Variants in GLS observed in about 807,000 individuals in gnomAD.
GLS encodes the protein glutaminase kidney isoform, mitochondrial.
In GLS, 36 loss-of-function variants were observed where a neutral mutation model predicts 86.7. The observed-to-expected ratio is 0.42, with a 90% confidence interval of 0.32 to 0.55. The LOEUF is 0.55. Ranked by LOEUF, GLS falls within the 20% of genes least tolerant of loss-of-function variation. The probability of loss-of-function intolerance (pLI) is 0.17; values close to 1 mark genes in which losing one functional copy is unlikely to be tolerated. For missense variants in GLS, 528 were observed against 833.4 expected, an observed-to-expected ratio of 0.63 and a Z score of 4.51; for synonymous variants, 317 against 305.9, an observed-to-expected ratio of 1.04 and a Z score of -0.38.
intron 9 of GLS, 119 bp from the exon 10 acceptor site, chr2:190,923,798 G>C: frequency 1.4e-6 from 1 of 689,722 alleles, no homozygotes; most frequent in Non-Finnish European, 2.6e-6. Flanking sequence ...TTGGAACTCT[G>C]TAGTCCTGAA....
Position 190,947,769 on chromosome 2 carries a change from A to G in GLS, c.1651-5796A>G, listed in dbSNP as rs1400979194. 6.6e-6 allele frequency among the ~76,000 whole-genome samples: 1 copy of G among 152,156 alleles called. No individual in the cohort carries two copies. The highest frequency in any genetic ancestry group is 2.4e-5 in the African/African-American group (1 of 41,430). ...GGAAATAGGGGAATGAGCTTTGATC[A>G]ATGGTTAGCACACCTACATCCTTTG... On this transcript the variant is annotated intron_variant, in intron 14 of 17. Coordinates refer to ENST00000320717, the MANE Select transcript of GLS (RefSeq NM_014905.5). This position sits in a 1 kb window ranked among gnomAD's most constrained non-coding sequence, Gnocchi z 5.0.
At chr2:190,918,632 G>A (rs886832794) in intron 7 of GLS, among the ~76,000 whole-genome samples, 1 of 152,076 alleles carries the variant, frequency 6.6e-6, no homozygotes, top group Non-Finnish European at 1.5e-5. Context: ...GAAATGCAAA[G>A]GAAACTTCAT....
chr2:190,959,243 C>CTTT (rs56693446), intron 17 of GLS, among the ~76,000 whole-genome samples: 3 of 135,658 alleles, frequency 2.2e-5, no homozygotes, highest in African/African-American at 8.1e-5. Context: ...GCAACCCCTG[C>CTTT]TTTTTTTTTT....
rs894274932 is a variant in GLS at position 190,949,965 on chromosome 2, A to G, written c.1651-3600A>G. 6.7e-6 allele frequency among the ~76,000 whole-genome samples: 1 copy of G among 149,870 alleles called. No homozygotes were observed. The highest frequency in any genetic ancestry group is 1.5e-5 in the Non-Finnish European group (1 of 67,620). ...TTATATATAGTTATATATAACAAAT[A>G]TAGTTAAAAAGGATATAGTTAACAA... On this transcript the variant is annotated intron_variant, in intron 14 of 17. Transcript: ENST00000320717. The surrounding 1 kb of genome is among the most constrained non-coding windows in gnomAD (Gnocchi z 4.0).
intron 1 of GLS, among the ~76,000 whole-genome samples, chr2:190,886,976 T>C (rs1291855343): frequency 6.6e-6 from 1 of 151,952 alleles, no homozygotes. Context: ...TCTTGTGATA[T>C]TTGAAATGAA....
chr2:190,881,551 G>C, intron 1 of GLS, 81 bp downstream of exon 1: 2 of 1,300,568 alleles, frequency 1.5e-6, no homozygotes, highest in Non-Finnish European at 2.1e-6. Flanking sequence ...GCGGTGGGGC[G>C]GGATAGGAGC....
At chr2:190,900,499 G>C (rs909052791) in intron 3 of GLS, 65 bp from the exon 4 acceptor site, 51 of 856,802 alleles carry the variant, frequency 6.0e-5, no homozygotes, top group African/African-American at 1.0e-4. Flanking sequence ...AATTATTACT[G>C]TTATTACCAA....
intron 1 of GLS, chr2:190,882,128 C>G (rs1441982020): frequency 6.6e-6 from 1 of 152,192 alleles, no homozygotes; most frequent in Admixed American, 6.5e-5. Flanking sequence ...AGATGGGGCA[C>G]GCAGTATAGA....
At chr2:190,917,904 A>G (rs1293216328) in intron 7 of GLS, among the ~76,000 whole-genome samples, 1 of 152,070 alleles carries the variant, frequency 6.6e-6, no homozygotes, top group Non-Finnish European at 1.5e-5. Flanking sequence ...TCTGCTCAAT[A>G]TAGTGAGACT....
chr2:190,942,751 T>C (rs893790414), intron 14 of GLS, among the ~76,000 whole-genome samples: 1 of 152,240 alleles, frequency 6.6e-6, no homozygotes, highest in Admixed American at 6.5e-5. Context: ...TGTTTGATTG[T>C]GGATATCAGG....
chr2:190,889,962 T>G (rs1032748948), intron 1 of GLS, among the ~76,000 whole-genome samples: 1 of 152,096 alleles, frequency 6.6e-6, no homozygotes, highest in Non-Finnish European at 1.5e-5. Flanking sequence ...GGTTAGAAAT[T>G]TATTATTGTT....
rs1389956817 is a variant in GLS, at chr2:190,943,067, G to A, written c.1651-10498G>A. Among the ~76,000 whole-genome samples the A allele has an allele frequency of 1.3e-5, 2 of 152,168 alleles. No individual in the cohort carries two copies. Among genetic ancestry groups the A allele is most frequent in the African/African-American group, 4.8e-5 (2 of 41,426 alleles). On this transcript the variant is annotated intron_variant, in intron 14 of 17. Coordinates refer to ENST00000320717, the MANE Select transcript of GLS (RefSeq NM_014905.5). The surrounding 1 kb of genome is among the most constrained non-coding windows in gnomAD (Gnocchi z 4.5). ...CGCTCATTGACCAGACTAACTGCAAGGGAATCTGGGAAAGTGTTTTTAATT... is the reference window on the plus strand; with the variant it reads ...CGCTCATTGACCAGACTAACTGCAAAGGAATCTGGGAAAGTGTTTTTAATT...
Position 190,921,095 on chromosome 2 carries a change from TC to T in GLS, c.1071+40del. On this transcript the variant is annotated intron_variant, in intron 8 of 17. Coordinates refer to ENST00000320717, the MANE Select transcript of GLS (RefSeq NM_014905.5). This position sits in a 1 kb window ranked among gnomAD's most constrained non-coding sequence, Gnocchi z 4.2. ...GTCATTCAGTTTTCATGCCACATTC[TC>T]TATATATTTGTTTTTTGATTACTAA... 6.3e-7 allele frequency: 1 copy of T among 1,579,720 alleles called. No individual in the cohort carries two copies. The highest frequency in any genetic ancestry group is 8.7e-7 in the Non-Finnish European group (1 of 1,149,322).
intron 17 of GLS, among the ~76,000 whole-genome samples, chr2:190,961,725 G>A (rs1413149813): frequency 2.2e-5 from 3 of 133,580 alleles, no homozygotes; most frequent in Non-Finnish European, 4.7e-5. Flanking sequence ...AAAGATACAT[G>A]TAAAGTTTTA....
At chr2:190,940,937 G>C (rs1461264200) in intron 14 of GLS, among the ~76,000 whole-genome samples, 1 of 151,736 alleles carries the variant, frequency 6.6e-6, no homozygotes, top group African/African-American at 2.4e-5. Flanking sequence ...ATCCCCCTCA[G>C]CATTTCACTA....
chr2:190,957,312 G>A (rs947277139), intron 17 of GLS, among the ~76,000 whole-genome samples: 27 of 152,200 alleles, frequency 1.8e-4, no homozygotes, highest in African/African-American at 5.3e-4. Context: ...GGCTGCTCTC[G>A]AACTCCTGAC....
At chr2:190,891,748 A>G (rs778307509) in intron 1 of GLS, among the ~76,000 whole-genome samples, 2 of 152,096 alleles carry the variant, frequency 1.3e-5, no homozygotes, top group African/African-American at 2.4e-5. Flanking sequence ...TACCTCAGAT[A>G]TATATATTCA....
chr2:190,890,817 T>C (rs1028647964), intron 1 of GLS, among the ~76,000 whole-genome samples: 1 of 152,178 alleles, frequency 6.6e-6, no homozygotes, highest in Admixed American at 6.5e-5. Flanking sequence ...TTAATCCCAC[T>C]TGAAAAGACA....
At chr2:190,928,417 C>T (rs930466033) in intron 12 of GLS, among the ~76,000 whole-genome samples, 9 of 151,578 alleles carry the variant, frequency 5.9e-5, no homozygotes, top group Non-Finnish European at 1.2e-4. Context: ...TCACTGCAAC[C>T]TCTGCCTCCT....
Sources: allele counts gnomAD v4.1 joint callset (sites outside exome capture counted in the v4.1 genomes callset), GRCh38; gene constraint gnomAD v4.1.1; non-coding constraint Gnocchi (gnomAD v3.1); transcripts MANE v1.5; gene names NCBI Gene and HGNC (gene_info 2026-07-23, HGNC 2026-07-21).